The following LRRTM4 variants were observed in gnomAD, a reference collection of about 807,000 sequenced individuals.
LRRTM4 encodes leucine-rich repeat transmembrane neuronal protein 4.
Under a neutral mutation model 47.6 loss-of-function variants are expected in LRRTM4, and 25 were observed. The ratio of observed to expected loss-of-function variants is 0.53; its 90% CI spans 0.38 to 0.73. The LOEUF (loss-of-function observed/expected upper bound fraction) is 0.73. Ranked by LOEUF, LRRTM4 falls within the 30% of genes least tolerant of loss-of-function variation. The pLI is 0.00. For missense variants in LRRTM4, 638 were observed against 713.4 expected (o/e 0.89, Z 1.20); for synonymous variants, 311 against 269.5 (o/e 1.15, Z -1.51).
chr2:77,506,736 T>C (rs1678791588), intron 3 of LRRTM4, among the ~76,000 whole-genome samples: 2 of 151,912 alleles, frequency 1.3e-5, no homozygotes, highest in South Asian at 2.1e-4. Context: ...TTCTCTTTTG[T>C]AGGAATCTAT....
chr2:77,334,731 T>G (rs1411684553), intron 3 of LRRTM4, among the ~76,000 whole-genome samples: 1 of 152,192 alleles, frequency 6.6e-6, no homozygotes, highest in Non-Finnish European at 1.5e-5. Context: ...CTTGGTATGT[T>G]TATCTTCATT....
chr2:76,985,027 GT>G (rs1230241936), intron 3 of LRRTM4, among the ~76,000 whole-genome samples: 3 of 151,848 alleles, frequency 2.0e-5, no homozygotes, highest in Non-Finnish European at 2.9e-5. Context: ...TCAAAATAAA[GT>G]TTTTTTAAAG....
intron 3 of LRRTM4, among the ~76,000 whole-genome samples, chr2:76,886,665 G>A (rs1673084858): frequency 6.6e-6 from 1 of 151,912 alleles, no homozygotes; most frequent in Non-Finnish European, 1.5e-5. Context: ...AATGCAAATA[G>A]TAACATAACT....
At chr2:76,785,966 G>C (rs1573100094) in intron 3 of LRRTM4, among the ~76,000 whole-genome samples, 1 of 152,124 alleles carries the variant, frequency 6.6e-6, no homozygotes, top group South Asian at 2.1e-4. Flanking sequence ...AATTGCACTT[G>C]ACGGACTTCT....
Position 76,991,620 on chromosome 2 carries a change from G to C in LRRTM4, c.1552-242704C>G, listed in dbSNP as rs992597410. Among the ~76,000 whole-genome samples, 3 of 151,786 alleles carry C rather than the reference G, an allele frequency of 2.0e-5. No individual in the cohort carries two copies. The East Asian group carries it at 5.8e-4, about 29-fold the overall frequency. On this transcript the variant is annotated intron_variant, in intron 3 of 3. Coordinates refer to ENST00000409884, the MANE Select transcript of LRRTM4 (RefSeq NM_001134745.3). ...AAAGCCCTTAGCAGACTAATATTGAGTTCTGAAATTGCATCAATCATAAAA... is the reference window on the plus strand; with the variant it reads ...AAAGCCCTTAGCAGACTAATATTGACTTCTGAAATTGCATCAATCATAAAA...
chr2:76,992,575 A>C (rs1475170981), intron 3 of LRRTM4, among the ~76,000 whole-genome samples: 1 of 151,718 alleles, frequency 6.6e-6, no homozygotes, highest in Non-Finnish European at 1.5e-5. Flanking sequence ...CAAGCAGGTA[A>C]AAGATCTGCA....
intron 3 of LRRTM4, among the ~76,000 whole-genome samples, chr2:77,217,093 G>T (rs1268802770): frequency 6.7e-6 from 1 of 150,364 alleles, no homozygotes; most frequent in Non-Finnish European, 1.5e-5. Context: ...AAAAGGGAGG[G>T]CACATCCTAG....
At chr2:77,094,380 C>T (rs1670749033) in intron 3 of LRRTM4, among the ~76,000 whole-genome samples, 1 of 151,930 alleles carries the variant, frequency 6.6e-6, no homozygotes, top group Non-Finnish European at 1.5e-5. Flanking sequence ...AGATTCAATG[C>T]AATTTCTATC....
intron 3 of LRRTM4, among the ~76,000 whole-genome samples, chr2:77,454,219 A>C (rs2103957867): frequency 6.6e-6 from 1 of 152,314 alleles, no homozygotes; most frequent in African/African-American, 2.4e-5. Flanking sequence ...TTAACGTAAA[A>C]CCTGTAAAGG....
chr2:77,063,691 G>A (rs1679866561), intron 3 of LRRTM4, among the ~76,000 whole-genome samples: 1 of 151,968 alleles, frequency 6.6e-6, no homozygotes, highest in Admixed American at 6.5e-5. Context: ...TTAAAAATTG[G>A]CCATTATTTT....
Position 76,967,912 on chromosome 2 carries a change from T to C in LRRTM4, c.1552-218996A>G, listed in dbSNP as rs74853058. 2.6e-5 allele frequency among the ~76,000 whole-genome samples: 4 copies of C among 151,730 alleles called. No homozygotes were observed. The East Asian group carries it at 7.8e-4, about 30-fold the overall frequency. ...CTTGAAGTGAACAGACACTATGTCTTACTTGTGCCTCTGTTTCCAGCTGCT... is the reference window on the plus strand; with the variant it reads ...CTTGAAGTGAACAGACACTATGTCTCACTTGTGCCTCTGTTTCCAGCTGCT... On this transcript the variant is annotated intron_variant, in intron 3 of 3. Transcript: ENST00000409884.
chr2:76,933,465 G>C (rs1363621392), intron 3 of LRRTM4, among the ~76,000 whole-genome samples: 1 of 151,892 alleles, frequency 6.6e-6, no homozygotes, highest in Non-Finnish European at 1.5e-5. Context: ...TCTTCCAAAA[G>C]TAATTTCAAA....
intron 3 of LRRTM4, among the ~76,000 whole-genome samples, chr2:77,465,343 T>C (rs899067521): frequency 3.3e-5 from 5 of 152,198 alleles, no homozygotes; most frequent in Admixed American, 3.3e-4. Flanking sequence ...ACATAATATG[T>C]ATCTGAGAAG....
chr2:76,796,585 C>T (rs1220621014), intron 3 of LRRTM4, among the ~76,000 whole-genome samples: 8 of 116,040 alleles, frequency 6.9e-5, no homozygotes, highest in Non-Finnish European at 1.4e-4. Flanking sequence ...TCCAACAGAC[C>T]TGCAGCTGAG....
intron 3 of LRRTM4, among the ~76,000 whole-genome samples, chr2:77,302,954 G>C (rs1178339441): frequency 6.6e-6 from 1 of 152,102 alleles, no homozygotes; most frequent in Non-Finnish European, 1.5e-5. Context: ...TAGCAAAGTA[G>C]GTGGAAGCTC....
chr2:77,411,318 CTTGCCCCAGGATAAGGA>C (rs1455419005), intron 3 of LRRTM4, among the ~76,000 whole-genome samples: 1 of 152,156 alleles, frequency 6.6e-6, no homozygotes, highest in East Asian at 1.9e-4. Context: ...TTTCTTACAT[CTTGCCCCAGGATAAGGA>C]TAGGCTAACC....
chr2:76,900,109 T>C (rs1240890811), intron 3 of LRRTM4, among the ~76,000 whole-genome samples: 1 of 152,002 alleles, frequency 6.6e-6, no homozygotes, highest in Non-Finnish European at 1.5e-5. Flanking sequence ...GGCTCATGCC[T>C]CTAGTCCCAG....
intron 3 of LRRTM4, among the ~76,000 whole-genome samples, chr2:77,420,448 C>T (rs893966818): frequency 6.6e-5 from 10 of 152,008 alleles, no homozygotes; most frequent in South Asian, 6.2e-4. Context: ...GAAATTTAAA[C>T]GCAGCTTTAT....
chr2:76,874,463 A>G (rs1398332933), intron 3 of LRRTM4, among the ~76,000 whole-genome samples: 1 of 152,032 alleles, frequency 6.6e-6, no homozygotes, highest in Admixed American at 6.6e-5. Flanking sequence ...ATATTCAGTA[A>G]TTGAATAACT....
Sources: gnomAD v4.1 joint callset for allele counts (sites outside exome capture counted in the v4.1 genomes callset) on GRCh38, gnomAD v4.1.1 for gene constraint, MANE v1.5 for transcripts, NCBI Gene and HGNC (gene_info 2026-07-23, HGNC 2026-07-21) for gene names.